The following FSTL5 variants were observed in gnomAD, a reference collection of about 807,000 sequenced individuals.
FSTL5 encodes follistatin like 5, also known as follistatin-related protein 5.
A neutral mutation model predicts 89.1 loss-of-function variants in FSTL5; 62 were observed. That is an observed-to-expected ratio of 0.70 (90% CI 0.57 to 0.86). The LOEUF is 0.86. Among genes scored for constraint, FSTL5 ranks in the 40% least tolerant of loss-of-function variants. The pLI, the probability that FSTL5 is intolerant of heterozygous loss-of-function variation, is 0.00. For synonymous variants in FSTL5, 383 were observed against 346.2 expected, an observed-to-expected ratio of 1.11 and a Z score of -1.18; for missense variants, 1,057 against 1,001.6, an observed-to-expected ratio of 1.06 and a Z score of -0.75.
Position 161,542,700 on chromosome 4 carries a change from G to GA in FSTL5, c.1016-8dup, listed in dbSNP as rs1731871555. ...ACCCGGATGACTGGAGGAACTAAAG[G>GA]AAAAAATGAAAGAGAAAGTGAATTA... On this transcript the variant is annotated splice_region_variant and splice_polypyrimidine_tract_variant and intron_variant, in intron 8 of 15. Transcript: ENST00000306100. 2.1e-6 allele frequency: 3 copies of GA among 1,419,196 alleles called. No homozygotes were observed. Among genetic ancestry groups the GA allele is most frequent in the Admixed American group, 2.6e-5 (1 of 37,948 alleles). 87.9% of individuals were successfully genotyped at this position (1,419,196 alleles called of 1,614,324 possible).
intron 4 of FSTL5, among the ~76,000 whole-genome samples, chr4:161,887,394 T>C (rs1732841542): frequency 2.7e-5 from 1 of 36,614 alleles, no homozygotes; most frequent in African/African-American, 5.7e-5. Flanking sequence ...CTATCTATCA[T>C]CTATCTATCT....
At chr4:162,069,540 C>A (rs886069714) in intron 2 of FSTL5, among the ~76,000 whole-genome samples, 1 of 151,878 alleles carries the variant, frequency 6.6e-6, no homozygotes, top group Non-Finnish European at 1.5e-5. Context: ...TCCTTATCCA[C>A]CCCTTCCCCT....
chr4:161,426,894 T>A (rs1290872052), intron 15 of FSTL5, among the ~76,000 whole-genome samples: 1 of 152,188 alleles, frequency 6.6e-6, no homozygotes, highest in Non-Finnish European at 1.5e-5. Context: ...AATACACATA[T>A]TTTTTACCAA....
chr4:161,545,625 T>C (rs200892665), intron 8 of FSTL5, among the ~76,000 whole-genome samples: 1 of 151,932 alleles, frequency 6.6e-6, no homozygotes, highest in Non-Finnish European at 1.5e-5. Flanking sequence ...GGGCTTAGTA[T>C]TGTGGTCCCA....
At chr4:162,141,328 G>C (rs568285090) in intron 1 of FSTL5, among the ~76,000 whole-genome samples, 1 of 84,788 alleles carries the variant, frequency 1.2e-5, no homozygotes, top group Non-Finnish European at 2.7e-5. Context: ...TGTTAGCCAG[G>C]ATGGTCTCGA....
chr4:162,071,277 G>C (rs541511670), intron 2 of FSTL5, among the ~76,000 whole-genome samples: 1 of 151,442 alleles, frequency 6.6e-6, no homozygotes, highest in South Asian at 2.1e-4. Context: ...GACACTCATA[G>C]ACTAAAAGTA....
chr4:162,121,658 T>C (rs1031618128), intron 1 of FSTL5, among the ~76,000 whole-genome samples: 3 of 152,058 alleles, frequency 2.0e-5, no homozygotes, highest in African/African-American at 7.2e-5. Flanking sequence ...CTCAGTATGT[T>C]GTACTTAGCT....
intron 6 of FSTL5, among the ~76,000 whole-genome samples, chr4:161,709,899 A>G (rs953065109): frequency 1.3e-5 from 2 of 152,194 alleles, no homozygotes; most frequent in African/African-American, 4.8e-5. Flanking sequence ...TAATATTTAA[A>G]TGGGAATTTT....
At chr4:161,725,531 CTATA>C (rs1480931868) in intron 6 of FSTL5, among the ~76,000 whole-genome samples, 8 of 151,128 alleles carry the variant, frequency 5.3e-5, no homozygotes, top group South Asian at 2.1e-4. Flanking sequence ...TATATAAAAA[CTATA>C]TATAATTAAC....
chr4:161,794,174 C>A (rs1729559207), intron 4 of FSTL5, among the ~76,000 whole-genome samples: 1 of 152,178 alleles, frequency 6.6e-6, no homozygotes, highest in Admixed American at 6.5e-5. Context: ...GCCTGGGCTG[C>A]ATTCCCAGCA....
At position 161,629,584 on chromosome 4, in the gene FSTL5, A is replaced by T. The variant is rs565955714; in HGVS notation, c.894+26744T>A. On this transcript the variant is annotated intron_variant, in intron 7 of 15. Coordinates refer to ENST00000306100, the MANE Select transcript of FSTL5 (RefSeq NM_020116.5). Reference sequence around the variant, plus strand: ...GGTCCTGAACTTCTGACCTCAGGTAATCCACCCGCCTCGGCCTCTGAAAGT... The same window carrying T: ...GGTCCTGAACTTCTGACCTCAGGTATTCCACCCGCCTCGGCCTCTGAAAGT... Among the ~76,000 whole-genome samples the T allele has an allele frequency of 3.0e-4, 45 of 152,104 alleles. No individual in the cohort carries two copies. The South Asian group carries it at 9.1e-3, about 31-fold the overall frequency.
chr4:161,729,721 T>G (rs139620927), intron 6 of FSTL5, among the ~76,000 whole-genome samples: 2 of 152,346 alleles, frequency 1.3e-5, no homozygotes, highest in African/African-American at 4.8e-5. Context: ...CCCTTCTGTG[T>G]ACAACTATTC....
intron 2 of FSTL5, among the ~76,000 whole-genome samples, chr4:162,072,631 G>A (rs1430855891): frequency 6.6e-6 from 1 of 151,612 alleles, no homozygotes; most frequent in Admixed American, 6.6e-5. Context: ...TAATACAATA[G>A]CAAACACTTA....
At chr4:161,847,705 A>G (rs13136542) in intron 4 of FSTL5, among the ~76,000 whole-genome samples, 68,396 of 151,780 alleles carry the variant, frequency 0.45, 15,602 homozygotes, top group East Asian at 0.49. Context: ...TAACATTTTA[A>G]TCTCAACATA....
chr4:161,618,246 A>T (rs1734969502), intron 7 of FSTL5, among the ~76,000 whole-genome samples: 1 of 136,520 alleles, frequency 7.3e-6, no homozygotes, highest in African/African-American at 2.8e-5. Context: ...GGTTTTCTAG[A>T]TATACAATCA....
chr4:161,870,583 G>C (rs1325459784), intron 4 of FSTL5, among the ~76,000 whole-genome samples: 1 of 151,956 alleles, frequency 6.6e-6, no homozygotes, highest in Non-Finnish European at 1.5e-5. Context: ...GGAAAGTCTG[G>C]CATATACTTA....
chr4:161,434,692 G>A (rs548563705), intron 15 of FSTL5, among the ~76,000 whole-genome samples: 1 of 151,100 alleles, frequency 6.6e-6, no homozygotes, highest in East Asian at 2.0e-4. Flanking sequence ...TTAATAACTA[G>A]GATATATAAG....
chr4:161,741,602 C>T (rs1407303424), intron 6 of FSTL5, among the ~76,000 whole-genome samples: 1 of 151,904 alleles, frequency 6.6e-6, no homozygotes, highest in African/African-American at 2.4e-5. Flanking sequence ...CTAAGGAATC[C>T]TCCAACCTAA....
At chr4:161,928,858 C>T (rs1266736897) in intron 3 of FSTL5, among the ~76,000 whole-genome samples, 1 of 151,732 alleles carries the variant, frequency 6.6e-6, no homozygotes, top group African/African-American at 2.4e-5. Flanking sequence ...TTCTCAATCT[C>T]ATGACAGTGG....
Sources: gnomAD v4.1 joint callset for allele counts (sites outside exome capture counted in the v4.1 genomes callset) on GRCh38, gnomAD v4.1.1 for gene constraint, MANE v1.5 for transcripts, NCBI Gene and HGNC (gene_info 2026-07-23, HGNC 2026-07-21) for gene names.